CCDC14: variants seen among roughly 807,000 people sequenced by gnomAD.
CCDC14 encodes coiled-coil domain-containing protein 14.
A neutral mutation model predicts 81.4 loss-of-function variants in CCDC14; 71 were observed. The observed-to-expected ratio is 0.87, with a 90% confidence interval of 0.72 to 1.06. CCDC14 has a LOEUF of 1.06. Among genes scored for constraint, CCDC14 ranks in the 50% least tolerant of loss-of-function variants. The pLI is 0.00. For synonymous variants in CCDC14, 332 were observed against 364.8 expected (o/e 0.91, Z 1.03); for missense variants, 1,046 against 1,047.3 (o/e 1.00, Z 0.02).
chr3:123,940,335 CTTCT>C (rs1301248518), intron 9 of CCDC14, among the ~76,000 whole-genome samples: 3 of 150,812 alleles, frequency 2.0e-5, no homozygotes, highest in Non-Finnish European at 4.4e-5. Flanking sequence ...TTTTCTTTTT[CTTCT>C]TTGAGCACTT....
intron 5 of CCDC14, among the ~76,000 whole-genome samples, chr3:123,903,317 C>T (rs1293810803): frequency 7.1e-6 from 1 of 141,460 alleles, no homozygotes; most frequent in Admixed American, 7.0e-5. Flanking sequence ...CACACACACA[C>T]ACACACACAC....
At chr3:123,907,938 GT>G (rs2034354649) in intron 5 of CCDC14, among the ~76,000 whole-genome samples, 1 of 151,640 alleles carries the variant, frequency 6.6e-6, no homozygotes. Flanking sequence ...ACTCTTCTTA[GT>G]TTCTGCAAAA....
At chr3:123,911,147 T>C (rs2034434565), downstream of CCDC14, among the ~76,000 whole-genome samples, 1 of 152,190 alleles carries the variant, frequency 6.6e-6, no homozygotes, top group Non-Finnish European at 1.5e-5. Flanking sequence ...TTTCTTTGGG[T>C]ATAACAGTGA....
chr3:123,948,979 T>C lies in CCDC14; in HGVS notation c.506A>G (p.Gln169Arg), dbSNP rs200825784. Reference protein sequence around the residue: ...YQALCEHVQTQMSLMNDLTSK... With the variant: ...YQALCEHVQTRMSLMNDLTSK... ...AGTCAAGTCATTCATCAGTGACATC[T>C]GAGTCTGCACGTGCTCACAGAGGGC... is the stretch of plus-strand genomic sequence containing the variant. The change falls in exon 6 of 13, where the codon CAG (glutamine) becomes CGG (arginine). Residue 169 changes from glutamine to arginine, a missense_variant. By Grantham distance (43) the Gln-to-Arg change is conservative. Transcript: ENST00000409697. 7 of 1,614,002 alleles carry C rather than the reference T, an allele frequency of 4.3e-6. No homozygotes were observed. In the Admixed American group the frequency reaches 1.2e-4, roughly 27 times the overall value.
At chr3:123,948,508 G>A (rs1255079446) in intron 7 of CCDC14, among the ~76,000 whole-genome samples, 183 bp downstream of exon 7, 2 of 152,038 alleles carry the variant, frequency 1.3e-5, no homozygotes, top group South Asian at 2.1e-4. Flanking sequence ...CCAAAGTGCC[G>A]GGATTACAGG....
the CCDC14 span, among the ~76,000 whole-genome samples, chr3:123,892,224 G>A: frequency 6.6e-6 from 1 of 152,104 alleles, no homozygotes; most frequent in Non-Finnish European, 1.5e-5. Flanking sequence ...CTCAACTCTT[G>A]CCTTCTGTGC....
rs1270416493 is a variant in CCDC14, at chr3:123,931,494, G to T, written c.1459C>A (p.Gln487Lys). 6.4e-7 allele frequency: 1 copy of T among 1,568,462 alleles called. No homozygotes were observed. Among genetic ancestry groups the T allele is most frequent in the South Asian group, 1.2e-5 (1 of 85,108 alleles). The change falls in exon 11 of 13, where the codon CAA (glutamine) becomes AAA (lysine). Residue 487 changes from glutamine (Q) to lysine (K), a missense_variant. Physicochemically the swap from Gln to Lys is moderately conservative, Grantham distance 53 (BLOSUM62 1). Coordinates refer to ENST00000409697, the MANE Select transcript of CCDC14 (RefSeq NM_001366335.1). Reference sequence around the variant, plus strand: ...TTTAGTGACTCCTCCAATTGATTTTGCAGTGACATATTCAATGACTGAAGA... The same window carrying T: ...TTTAGTGACTCCTCCAATTGATTTTTCAGTGACATATTCAATGACTGAAGA... ...FSLQSLNMSL[Q>K]NQLEESLKSQ...
chr3:123,927,498 G>A (rs570533578), intron 12 of CCDC14, among the ~76,000 whole-genome samples: 1 of 152,154 alleles, frequency 6.6e-6, no homozygotes, highest in Admixed American at 6.5e-5. Flanking sequence ...GAAAATGTAG[G>A]GATAGTGCTA....
At chr3:123,896,016 C>T (rs2034055966), downstream of CCDC14, among the ~76,000 whole-genome samples, 1 of 152,208 alleles carries the variant, frequency 6.6e-6, no homozygotes, top group Non-Finnish European at 1.5e-5. Context: ...CAGAATCAAC[C>T]TAAGTGTACA....
intron 9 of CCDC14, among the ~76,000 whole-genome samples, chr3:123,944,111 T>C (rs189050463): frequency 2.2e-4 from 34 of 152,176 alleles, no homozygotes; most frequent in African/African-American, 7.9e-4. Flanking sequence ...GTAGATAGTG[T>C]TGGAATTGAA....
chr3:123,944,008 C>T (rs1393262484), intron 9 of CCDC14, among the ~76,000 whole-genome samples: 1 of 152,108 alleles, frequency 6.6e-6, no homozygotes, highest in Non-Finnish European at 1.5e-5. Flanking sequence ...GAAACACAGG[C>T]AAAATAACCT....
downstream of CCDC14, among the ~76,000 whole-genome samples, chr3:123,911,292 C>T (rs569041186): frequency 9.2e-5 from 14 of 152,238 alleles, no homozygotes; most frequent in African/African-American, 2.6e-4. Flanking sequence ...CGGTTCTCTA[C>T]AAGTGGTAAT....
At chr3:123,912,252 T>G (rs1333171209), downstream of CCDC14, among the ~76,000 whole-genome samples, 2 of 152,138 alleles carry the variant, frequency 1.3e-5, no homozygotes, top group Non-Finnish European at 2.9e-5. Flanking sequence ...CTTTTTGCAC[T>G]CTGGGACATC....
intron 7 of CCDC14, among the ~76,000 whole-genome samples, chr3:123,947,831 A>C (rs1487569076): frequency 6.6e-6 from 1 of 152,032 alleles, no homozygotes; most frequent in Non-Finnish European, 1.5e-5. Context: ...TATTAATAAT[A>C]ATATTAATTA....
the CCDC14 span, among the ~76,000 whole-genome samples, chr3:123,888,933 T>C: frequency 6.6e-6 from 1 of 152,258 alleles, no homozygotes; most frequent in East Asian, 1.9e-4. Flanking sequence ...AATATAATTA[T>C]CCCTTCTCAA....
At chr3:123,911,525 T>G (rs2034445941), downstream of CCDC14, among the ~76,000 whole-genome samples, 1 of 152,200 alleles carries the variant, frequency 6.6e-6, no homozygotes, top group South Asian at 2.1e-4. Flanking sequence ...GGGCCTGTTA[T>G]CCTAGTAATT....
chr3:123,926,294 T>C lies in CCDC14; in HGVS notation c.1778+4808A>G, dbSNP rs577081241. ...TGTAAGAAATATGAAAACGTTAAAA[T>C]TTTAAAGGAAGGAATATGAGCACCT... is the stretch of plus-strand genomic sequence containing the variant. On this transcript the variant is annotated intron_variant, in intron 12 of 12. Transcript: ENST00000409697. Among the ~76,000 whole-genome samples, 4 of 152,000 alleles carry C rather than the reference T, an allele frequency of 2.6e-5. 1 individual carries two copies. The South Asian group carries it at 8.3e-4, about 32-fold the overall frequency.
chr3:123,945,509 C>T (rs952516513), intron 8 of CCDC14, among the ~76,000 whole-genome samples: 1 of 152,052 alleles, frequency 6.6e-6, no homozygotes, highest in Non-Finnish European at 1.5e-5. Flanking sequence ...TGAACACAAG[C>T]AGCCACATCT....
intron 5 of CCDC14, chr3:123,952,671 C>A: frequency 3.9e-6 from 2 of 509,262 alleles, no homozygotes; most frequent in Non-Finnish European, 4.1e-6. Flanking sequence ...CATAAGGAGG[C>A]CACTCCCCAG....
Sources: allele counts gnomAD v4.1 joint callset (sites outside exome capture counted in the v4.1 genomes callset), GRCh38; gene constraint gnomAD v4.1.1; transcripts MANE v1.5; gene names NCBI Gene and HGNC (gene_info 2026-07-23, HGNC 2026-07-21).